Variants in COL28A1 observed in about 807,000 individuals in gnomAD.
COL28A1 encodes the protein collagen type XXVIII alpha 1 chain, also known as collagen alpha-1(XXVIII) chain.
Under a neutral mutation model 150.2 loss-of-function variants are expected in COL28A1, and 161 were observed. That is an observed-to-expected ratio of 1.07 (90% CI 0.94 to 1.22). The LOEUF (loss-of-function observed/expected upper bound fraction) is 1.22, where lower values mean the gene tolerates loss of function less well. Ranked by LOEUF, COL28A1 falls within the 50% of genes most tolerant of loss-of-function variation. The probability of loss-of-function intolerance (pLI) is 0.00; values close to 1 mark genes in which losing one functional copy is unlikely to be tolerated. For synonymous variants in COL28A1, 552 were observed against 469.7 expected, an observed-to-expected ratio of 1.18 and a Z score of -2.26; for missense variants, 1,617 against 1,388.3, an observed-to-expected ratio of 1.16 and a Z score of -2.62.
chr7:7,395,639 T>C (rs1340284732), intron 27 of COL28A1, among the ~76,000 whole-genome samples: 1 of 152,138 alleles, frequency 6.6e-6, no homozygotes, highest in Non-Finnish European at 1.5e-5. Flanking sequence ...ACATGGTTGG[T>C]TGAGAGCACT....
intron 15 of COL28A1, among the ~76,000 whole-genome samples, chr7:7,464,294 T>C (rs1787876011): frequency 1.3e-5 from 2 of 152,114 alleles, no homozygotes; most frequent in African/African-American, 2.4e-5. Flanking sequence ...ATTTAAACTA[T>C]ACCCTGGAAC....
intron 19 of COL28A1, 30 bp from the exon 20 acceptor site, chr7:7,443,683 G>C: frequency 6.2e-7 from 1 of 1,613,460 alleles, no homozygotes. Context: ...TGTGTTAGCT[G>C]ACCCTCCAGT....
In COL28A1 at chr7:7,437,575, A is replaced by C. The variant is rs76097505; in HGVS notation, c.1723-113T>G. On this transcript the variant is annotated intron_variant, in intron 21 of 34. Transcript: ENST00000399429. ...ATTTTTAAATTATGTTATGACCTCT[A>C]TCTGTTTCAAAGACCAATGTGAAAA... 4 of 1,387,396 alleles carry C rather than the reference A, an allele frequency of 2.9e-6. No individual in the cohort carries two copies. The Admixed American group carries it at 1.3e-4, about 43-fold the overall frequency. 85.9% of individuals were successfully genotyped at this position (1,387,396 alleles called of 1,614,324 possible).
intron 27 of COL28A1, among the ~76,000 whole-genome samples, chr7:7,411,708 G>A (rs937541823): frequency 3.3e-5 from 5 of 152,142 alleles, no homozygotes; most frequent in African/African-American, 9.7e-5. Context: ...GCTCTTTGGC[G>A]AGTTCTCAGC....
At chr7:7,349,697 G>A in the COL28A1 span, among the ~76,000 whole-genome samples, 1 of 152,008 alleles carries the variant, frequency 6.6e-6, no homozygotes, top group South Asian at 2.1e-4. Flanking sequence ...TTTCTTTCCT[G>A]CCTCTCAGGG....
chr7:7,515,765 GT>G, intron 8 of COL28A1, 48 bp downstream of exon 8: 1 of 858,850 alleles, frequency 1.2e-6, no homozygotes, highest in Non-Finnish European at 2.0e-6. Context: ...TTATGTTTCT[GT>G]TTTTCTTTTT....
chr7:7,365,807 C>T (rs960572209), intron 33 of COL28A1, among the ~76,000 whole-genome samples: 1 of 152,150 alleles, frequency 6.6e-6, no homozygotes, highest in African/African-American at 2.4e-5. Context: ...GGCTCCACAG[C>T]CAGCATCTTC....
At chr7:7,377,262 C>T (rs1781607148) in intron 30 of COL28A1, among the ~76,000 whole-genome samples, 1 of 152,144 alleles carries the variant, frequency 6.6e-6, no homozygotes, top group Admixed American at 6.5e-5. Context: ...ATGTTCTTTG[C>T]ATTTAAGTGA....
chr7:7,491,471 G>C (rs1779911308), intron 11 of COL28A1, among the ~76,000 whole-genome samples: 1 of 152,146 alleles, frequency 6.6e-6, no homozygotes, highest in East Asian at 1.9e-4. Flanking sequence ...ATCCAGTCCT[G>C]GACTACCTGC....
chr7:7,441,098 T>C (rs1277630316), intron 20 of COL28A1, among the ~76,000 whole-genome samples: 3 of 152,228 alleles, frequency 2.0e-5, no homozygotes, highest in Admixed American at 2.0e-4. Flanking sequence ...AAATCTAAGT[T>C]TTGTATCTTT....
At chr7:7,371,066 A>C (rs1243579027) in intron 32 of COL28A1, among the ~76,000 whole-genome samples, 184 bp from the exon 33 acceptor site, 9 of 152,198 alleles carry the variant, frequency 5.9e-5, no homozygotes. Context: ...AAAATAATAT[A>C]TATGACACAA....
intron 33 of COL28A1, among the ~76,000 whole-genome samples, chr7:7,362,774 G>C (rs1014172): frequency 0.9 from 136,713 of 152,250 alleles, 61,506 homozygotes; most frequent in East Asian, 1. Context: ...CCTGTATGCA[G>C]ATACAGCAAT....
rs186433250 is a variant in COL28A1, at chr7:7,478,720, C to T, written c.1165-1540G>A. Among the ~76,000 whole-genome samples, 48 of 152,370 alleles carry T rather than the reference C, an allele frequency of 3.2e-4. 1 individual carries two copies. The East Asian group carries it at 8.5e-3, about 27-fold the overall frequency. On this transcript the variant is annotated intron_variant, in intron 13 of 34. Transcript: ENST00000399429. ...AGGCAGCTAAGGCCAAGTGAGAAATCGAGCGCACTGCCGGTGGGCCAGCAC... is the reference window on the plus strand; with the variant it reads ...AGGCAGCTAAGGCCAAGTGAGAAATTGAGCGCACTGCCGGTGGGCCAGCAC...
At position 7,451,231 on chromosome 7, in the gene COL28A1, CT is replaced by C. The variant is rs111414835; in HGVS notation, c.1509+1087del. On this transcript the variant is annotated intron_variant, in intron 18 of 34. Transcript: ENST00000399429. ...TATGGTGAGTATATTTGAAATACTT[CT>C]TTTTTTTTTTTTAAGATGGAGTCTC... 6.5e-3 allele frequency among the ~76,000 whole-genome samples: 933 copies of C among 144,208 alleles called. 3 individuals are homozygous for C. The highest frequency in any genetic ancestry group is 8.1e-3 in the Non-Finnish European group (530 of 65,282). 94.6% of individuals were successfully genotyped at this position (144,208 alleles called of 152,430 possible). A position where few individuals can be genotyped will look rare whatever the true frequency, so the allele number is the denominator to read the frequency against.
intron 6 of COL28A1, 72 bp from the exon 7 acceptor site, chr7:7,517,909 T>C: frequency 3.2e-6 from 5 of 1,582,878 alleles, no homozygotes; most frequent in Non-Finnish European, 3.5e-6. Context: ...AAATGCATTA[T>C]ACAGAAGATT....
intron 1 of COL28A1, among the ~76,000 whole-genome samples, chr7:7,534,344 G>A (rs1183934855): frequency 1.3e-5 from 2 of 152,120 alleles, no homozygotes; most frequent in Non-Finnish European, 2.9e-5. Context: ...ACACACAAAG[G>A]CCATCTCTCC....
chr7:7,541,370 C>T, the COL28A1 span, among the ~76,000 whole-genome samples: 1 of 151,922 alleles, frequency 6.6e-6, no homozygotes, highest in Non-Finnish European at 1.5e-5. Flanking sequence ...AAATTCTACA[C>T]AGAAATAAAG....
chr7:7,381,415 G>T, intron 28 of COL28A1, 129 bp downstream of exon 28: 1 of 685,226 alleles, frequency 1.5e-6, no homozygotes. Context: ...ATTTTATTTT[G>T]AGTGGATTGT....
chr7:7,412,780 G>A (rs1028408439), intron 27 of COL28A1, among the ~76,000 whole-genome samples: 2 of 152,046 alleles, frequency 1.3e-5, no homozygotes, highest in African/African-American at 4.8e-5. Context: ...TCAACTCTGT[G>A]TCCTAGACAT....
Sources: allele counts gnomAD v4.1 joint callset (sites outside exome capture counted in the v4.1 genomes callset), GRCh38; gene constraint gnomAD v4.1.1; transcripts MANE v1.5; gene names NCBI Gene and HGNC (gene_info 2026-07-23, HGNC 2026-07-21).